The following CNTN3 variants were observed in gnomAD, a reference collection of about 807,000 sequenced individuals.
CNTN3 encodes the protein contactin-3.
In CNTN3, 60 loss-of-function variants were observed where a neutral mutation model predicts 119.1. The observed-to-expected ratio is 0.50, with a 90% confidence interval of 0.41 to 0.62. The LOEUF (loss-of-function observed/expected upper bound fraction) is 0.62. Ranked by LOEUF, CNTN3 falls within the 20% of genes least tolerant of loss-of-function variation. The pLI, the probability that CNTN3 is intolerant of heterozygous loss-of-function variation, is 0.00. For synonymous variants in CNTN3, 450 were observed against 438.7 expected, an observed-to-expected ratio of 1.03 and a Z score of -0.32; for missense variants, 1,101 against 1,242.4, an observed-to-expected ratio of 0.89 and a Z score of 1.71.
chr3:74,440,921 G>A (rs138312171), intron 4 of CNTN3, among the ~76,000 whole-genome samples: 1 of 152,186 alleles, frequency 6.6e-6, no homozygotes, highest in Non-Finnish European at 1.5e-5. Flanking sequence ...TAAATACCAT[G>A]CCATTATGTC....
chr3:74,599,916 A>G (rs1005908195), intron 1 of CNTN3, among the ~76,000 whole-genome samples: 13 of 152,042 alleles, frequency 8.6e-5, no homozygotes, highest in Non-Finnish European at 1.5e-5. Context: ...ACATGAAGAG[A>G]GAACATTATG....
At chr3:74,338,437 CAT>C (rs1436950956) in intron 11 of CNTN3, among the ~76,000 whole-genome samples, 8 of 147,834 alleles carry the variant, frequency 5.4e-5, no homozygotes, top group South Asian at 2.1e-4. Context: ...TGTATATACA[CAT>C]ATATACACAC....
In CNTN3 at chr3:74,551,103, T is replaced by C. The variant is rs114434603; in HGVS notation, c.-80-29911A>G. On this transcript the variant is annotated intron_variant, in intron 1 of 22. Coordinates refer to ENST00000263665, the MANE Select transcript of CNTN3 (RefSeq NM_020872.3). ...GTGCAGTAATTCATCCTGACAGAAATTGATCCATATTCCAGAAATGGGTTT... is the reference window on the plus strand; with the variant it reads ...GTGCAGTAATTCATCCTGACAGAAACTGATCCATATTCCAGAAATGGGTTT... Among the ~76,000 whole-genome samples the C allele has an allele frequency of 4.3e-3, 661 of 152,246 alleles. 6 individuals carry two copies. Among genetic ancestry groups the C allele is most frequent in the African/African-American group, 0.015 (624 of 41,546 alleles).
chr3:74,556,508 T>C (rs1338255333), intron 1 of CNTN3, among the ~76,000 whole-genome samples: 1 of 152,334 alleles, frequency 6.6e-6, no homozygotes. Flanking sequence ...TTCCACTGTA[T>C]GGATATACCA....
chr3:74,306,129 A>ATTCT (rs2106827111), intron 13 of CNTN3, among the ~76,000 whole-genome samples: 1 of 149,088 alleles, frequency 6.7e-6, no homozygotes, highest in Admixed American at 6.8e-5. Flanking sequence ...TGTCAAACTA[A>ATTCT]TTCTTTCCCC....
chr3:74,349,028 A>G (rs536229539), intron 11 of CNTN3, among the ~76,000 whole-genome samples: 1 of 152,136 alleles, frequency 6.6e-6, no homozygotes, highest in Admixed American at 6.5e-5. Flanking sequence ...GGAGACTGCA[A>G]TGAGTTATGA....
intron 1 of CNTN3, among the ~76,000 whole-genome samples, chr3:74,524,015 G>A (rs1191415766): frequency 1.3e-5 from 2 of 151,972 alleles, no homozygotes; most frequent in Admixed American, 1.3e-4. Flanking sequence ...GACATCAAGT[G>A]AGTGAAAAGC....
intron 1 of CNTN3, among the ~76,000 whole-genome samples, chr3:74,549,948 T>C (rs1703966615): frequency 6.6e-6 from 1 of 152,164 alleles, no homozygotes; most frequent in South Asian, 2.1e-4. Flanking sequence ...AAACAGCTCC[T>C]AGAGTGCTGA....
At chr3:74,467,628 C>T (rs925202707) in intron 4 of CNTN3, among the ~76,000 whole-genome samples, 6 of 150,066 alleles carry the variant, frequency 4.0e-5, no homozygotes, top group South Asian at 2.1e-4. Context: ...CACATAATAG[C>T]GCTTTATCTG....
intron 5 of CNTN3, among the ~76,000 whole-genome samples, chr3:74,418,342 C>CTTTTTT (rs56258495): frequency 0.015 from 1,454 of 99,562 alleles, 120 homozygotes; most frequent in African/African-American, 0.054. Context: ...AAACATATTC[C>CTTTTTT]TTTTTTTTTT....
chr3:74,448,187 T>C (rs919922921), intron 4 of CNTN3, among the ~76,000 whole-genome samples: 1 of 152,180 alleles, frequency 6.6e-6, no homozygotes, highest in African/African-American at 2.4e-5. Flanking sequence ...GACTATAATT[T>C]CATCTTTTTG....
At chr3:74,350,073 G>T (rs542465960) in intron 11 of CNTN3, among the ~76,000 whole-genome samples, 1 of 152,162 alleles carries the variant, frequency 6.6e-6, no homozygotes, top group Non-Finnish European at 1.5e-5. Context: ...TGCATGGTTA[G>T]CTGCAAAATT....
At chr3:74,599,603 C>T (rs1704875415) in intron 1 of CNTN3, among the ~76,000 whole-genome samples, 1 of 152,060 alleles carries the variant, frequency 6.6e-6, no homozygotes, top group Non-Finnish European at 1.5e-5. Flanking sequence ...ATGAGGATCT[C>T]ATGCCACCAC....
At chr3:74,279,134 T>C (rs1701941843) in intron 20 of CNTN3, among the ~76,000 whole-genome samples, 1 of 151,962 alleles carries the variant, frequency 6.6e-6, no homozygotes, top group South Asian at 2.1e-4. Context: ...GATGCGGTGA[T>C]CAGGGAACAC....
chr3:74,366,774 G>GTATATATA (rs1559565914), intron 8 of CNTN3, among the ~76,000 whole-genome samples: 2 of 38,988 alleles, frequency 5.1e-5, no homozygotes, highest in South Asian at 1.7e-3. Flanking sequence ...GTGTGTGTGT[G>GTATATATA]TGTGTGTATA....
At chr3:74,446,230 G>C (rs938368156) in intron 4 of CNTN3, among the ~76,000 whole-genome samples, 2 of 152,092 alleles carry the variant, frequency 1.3e-5, no homozygotes, top group African/African-American at 4.8e-5. Context: ...TACCTCAGGA[G>C]GTTTTTAAGA....
intron 18 of CNTN3, among the ~76,000 whole-genome samples, chr3:74,297,408 T>G (rs12496063): frequency 6.7e-6 from 1 of 150,238 alleles, no homozygotes. Flanking sequence ...AACACGGGTG[T>G]ACAGAAACAT....
At chr3:74,305,827 T>G (rs1286943629) in intron 13 of CNTN3, among the ~76,000 whole-genome samples, 1 of 151,534 alleles carries the variant, frequency 6.6e-6, no homozygotes, top group Non-Finnish European at 1.5e-5. Flanking sequence ...TATCCTCTTA[T>G]GACTTGTTCA....
chr3:74,583,596 A>G (rs572782022), intron 1 of CNTN3, among the ~76,000 whole-genome samples: 1 of 152,314 alleles, frequency 6.6e-6, no homozygotes, highest in South Asian at 2.1e-4. Context: ...GGAAATGACC[A>G]TGAGAGGAAT....
Sources: gnomAD v4.1 joint callset for allele counts (sites outside exome capture counted in the v4.1 genomes callset) on GRCh38, gnomAD v4.1.1 for gene constraint, MANE v1.5 for transcripts, NCBI Gene and HGNC (gene_info 2026-07-23, HGNC 2026-07-21) for gene names.